NPY1R: variants seen among roughly 807,000 people sequenced by gnomAD.
NPY1R encodes neuropeptide Y receptor type 1.
A neutral mutation model predicts 24.1 loss-of-function variants in NPY1R; 10 were observed. That is an observed-to-expected ratio of 0.42 (90% CI 0.26 to 0.71). The LOEUF (loss-of-function observed/expected upper bound fraction) is 0.71, where lower values mean the gene tolerates loss of function less well. NPY1R is among the 30% of genes least tolerant of loss of function. NPY1R has a pLI of 0.28. For synonymous variants in NPY1R, 168 were observed against 165.9 expected (o/e 1.01, Z -0.10); for missense variants, 350 against 458.0 (o/e 0.76, Z 2.15).
chr4:163,325,567 G>A lies in NPY1R; in HGVS notation c.891C>T (p.Asn297=). The A allele has an allele frequency of 6.2e-7, 1 of 1,614,068 alleles. No homozygotes were observed. The change falls in exon 3 of 3, where the codon AAC becomes AAT. Residue 297 remains asparagine, a synonymous_variant. Transcript: ENST00000296533. ...GGCAGAGCAGGAATAACAGATTGTGGTTGCAGGTAGCAATGATCTGATGAT... is the reference window on the plus strand; with the variant it reads ...GGCAGAGCAGGAATAACAGATTGTGATTGCAGGTAGCAATGATCTGATGAT... ...DWNHQIIATC[N]HNLLFLLCHL...
upstream of NPY1R, among the ~76,000 whole-genome samples, chr4:163,333,287 C>T (rs1019805715): frequency 6.6e-6 from 1 of 151,724 alleles, no homozygotes; most frequent in Admixed American, 6.6e-5. Flanking sequence ...GCAATTTTCT[C>T]GGTGATTAGT....
At chr4:163,336,156 C>T (rs549386197), upstream of NPY1R, among the ~76,000 whole-genome samples, 2 of 152,270 alleles carry the variant, frequency 1.3e-5, no homozygotes, top group South Asian at 4.2e-4. Flanking sequence ...GTAAAGTTCT[C>T]ATTTTGTTAC....
intron 1 of NPY1R, among the ~76,000 whole-genome samples, chr4:163,339,353 T>C (rs1004495009): frequency 3.3e-5 from 5 of 152,332 alleles, no homozygotes; most frequent in African/African-American, 1.2e-4. Flanking sequence ...CCCCAGTTTA[T>C]TTTTAAGAAT....
intron 1 of NPY1R, among the ~76,000 whole-genome samples, chr4:163,343,128 A>AGAAGGAC (rs1735047980): frequency 6.6e-6 from 1 of 152,110 alleles, no homozygotes; most frequent in Non-Finnish European, 1.5e-5. Flanking sequence ...GGGAAGGAAC[A>AGAAGGAC]GAAGGACAGG....
At chr4:163,329,493 C>T (rs867195598) in intron 1 of NPY1R, among the ~76,000 whole-genome samples, 6 of 151,510 alleles carry the variant, frequency 4.0e-5, no homozygotes, top group Non-Finnish European at 5.9e-5. Flanking sequence ...CCCAGCTACT[C>T]GGGAGGCTGT....
At chr4:163,326,935 C>G (rs1329203851) in intron 1 of NPY1R, among the ~76,000 whole-genome samples, 1 of 152,050 alleles carries the variant, frequency 6.6e-6, no homozygotes, top group African/African-American at 2.4e-5. Flanking sequence ...ACATAATGGT[C>G]TATAAGTTAG....
upstream of NPY1R, chr4:163,333,087 G>T (rs1734768711): frequency 6.6e-6 from 1 of 152,156 alleles, no homozygotes; most frequent in Non-Finnish European, 1.5e-5. Flanking sequence ...CCGAGAATTT[G>T]TTTTCCTCAC....
chr4:163,334,918 G>A (rs1007920274), upstream of NPY1R, among the ~76,000 whole-genome samples: 3 of 150,422 alleles, frequency 2.0e-5, no homozygotes, highest in Admixed American at 1.3e-4. Flanking sequence ...AATTCTTTAG[G>A]AATACCATTT....
exon 1 of NPY1R, chr4:163,344,660 C>A (rs1350484827): frequency 6.6e-6 from 1 of 152,224 alleles, no homozygotes; most frequent in Non-Finnish European, 1.5e-5. Flanking sequence ...TAACAAACAT[C>A]CATAGAACTC....
At chr4:163,332,260 A>G (rs527327391) in intron 1 of NPY1R, among the ~76,000 whole-genome samples, 3 of 151,980 alleles carry the variant, frequency 2.0e-5, no homozygotes, top group African/African-American at 7.2e-5. Context: ...CGCGTAGGGT[A>G]CCCTCTCCTT....
intron 1 of NPY1R, among the ~76,000 whole-genome samples, chr4:163,329,861 A>G (rs1734688363): frequency 6.6e-6 from 1 of 152,044 alleles, no homozygotes; most frequent in Admixed American, 6.5e-5. Context: ...TAGGAAATTA[A>G]TTAGGAAGGC....
upstream of NPY1R, among the ~76,000 whole-genome samples, chr4:163,337,779 C>T (rs71613030): frequency 0.013 from 2,039 of 152,308 alleles, 34 homozygotes; most frequent in South Asian, 0.053. Context: ...AACAAAATTG[C>T]TCATCTCTTT....
At chr4:163,327,858 G>C (rs770688514) in intron 1 of NPY1R, among the ~76,000 whole-genome samples, 2 of 152,078 alleles carry the variant, frequency 1.3e-5, no homozygotes, top group Non-Finnish European at 2.9e-5. Context: ...AGATTACTAA[G>C]TAAATATGTG....
chr4:163,336,893 A>G (rs563930855), upstream of NPY1R, among the ~76,000 whole-genome samples: 33 of 152,326 alleles, frequency 2.2e-4, no homozygotes, highest in African/African-American at 7.9e-4. Flanking sequence ...TCTGGGAGGC[A>G]GAGGTTGCAG....
chr4:163,339,432 T>C (rs1387418736), intron 1 of NPY1R, among the ~76,000 whole-genome samples: 1 of 152,174 alleles, frequency 6.6e-6, no homozygotes, highest in Non-Finnish European at 1.5e-5. Context: ...TATCACATTG[T>C]ATTGCCATTA....
At position 163,326,175 on chromosome 4, in the gene NPY1R, G is replaced by A; in HGVS notation, c.380C>T (p.Ser127Phe). 1.2e-6 allele frequency: 2 copies of A among 1,614,096 alleles called. No individual in the cohort carries two copies. Among genetic ancestry groups the A allele is most frequent in the Non-Finnish European group, 1.7e-6 (2 of 1,179,982 alleles). The change falls in exon 2 of 3, where the codon TCC becomes TTC. Residue 127 changes from serine to phenylalanine, a missense_variant. Physicochemically the swap from Ser to Phe is radical, Grantham distance 155. Coordinates refer to ENST00000296533, the MANE Select transcript of NPY1R (RefSeq NM_000909.6). ...AGCAATGAGAACCAGAGAGAAAATG[G>A]ACACAGTGATTGAAACACATTGCAC... ...PFVQCVSITVSIFSLVLIAVE... is the reference protein window; with the variant it reads ...PFVQCVSITVFIFSLVLIAVE...
At chr4:163,342,981 G>GACACACACACACAC (rs142715363) in intron 1 of NPY1R, among the ~76,000 whole-genome samples, 1 of 139,138 alleles carries the variant, frequency 7.2e-6, no homozygotes, top group Non-Finnish European at 1.5e-5. Context: ...CTCTCTCACA[G>GACACACACACACAC]ACACACACAC....
chr4:163,335,549 C>G (rs1354925564), upstream of NPY1R, among the ~76,000 whole-genome samples: 1 of 152,120 alleles, frequency 6.6e-6, no homozygotes, highest in African/African-American at 2.4e-5. Context: ...GGCCTTGATA[C>G]AGGTAAATTA....
At position 163,325,458 on chromosome 4, in the gene NPY1R, A is replaced by G. The variant is rs138527737; in HGVS notation, c.1000T>C (p.Phe334Leu). Residue 334 changes from phenylalanine to leucine, a missense_variant, in exon 3 of 3, where the codon TTC becomes CTC. Transcript: ENST00000296533. ...GACCGGAAATCACAAAAGTTGAAGA[A>G]GAACTGCAAGTCTCTCTGGAAGTTT... ...NKNFQRDLQFFFNFCDFRSRD... is the reference protein window; with the variant it reads ...NKNFQRDLQFLFNFCDFRSRD... The G allele has an allele frequency of 2.2e-5, 36 of 1,614,062 alleles. No individual in the cohort carries two copies. The highest frequency in any genetic ancestry group is 4.0e-5 in the African/African-American group (3 of 74,942).
Sources: gnomAD v4.1 joint callset for allele counts (sites outside exome capture counted in the v4.1 genomes callset) on GRCh38, gnomAD v4.1.1 for gene constraint, MANE v1.5 for transcripts, NCBI Gene and HGNC (gene_info 2026-07-23, HGNC 2026-07-21) for gene names.